Variants in ANKS1B observed in about 807,000 individuals in gnomAD.
The protein encoded by ANKS1B is ankyrin repeat and sterile alpha motif domain containing 1B, also known as ankyrin repeat and sterile alpha motif domain-containing protein 1B.
A neutral mutation model predicts 148.3 loss-of-function variants in ANKS1B; 36 were observed. The observed-to-expected ratio is 0.24, with a 90% CI of 0.19 to 0.32. The LOEUF is 0.32. Ranked by LOEUF, ANKS1B falls within the 10% of genes least tolerant of loss-of-function variation. The pLI is 1.00. For synonymous variants in ANKS1B, 542 were observed against 560.8 expected (o/e 0.97, Z 0.47); for missense variants, 1,157 against 1,542.6 (o/e 0.75, Z 4.19).
chr12:99,050,915 G>A (rs2099965614), intron 17 of ANKS1B, among the ~76,000 whole-genome samples: 1 of 151,566 alleles, frequency 6.6e-6, no homozygotes, highest in Admixed American at 6.6e-5. Flanking sequence ...AGCCAGGATG[G>A]TCTGATCTCC....
At chr12:99,273,302 C>G (rs1232680192) in intron 12 of ANKS1B, among the ~76,000 whole-genome samples, 4 of 152,264 alleles carry the variant, frequency 2.6e-5, no homozygotes, top group South Asian at 2.1e-4. Context: ...CCCTTCTATT[C>G]CAAGCTAGGG....
At chr12:98,742,721 G>A (rs770772128), downstream of ANKS1B, among the ~76,000 whole-genome samples, 20 of 152,370 alleles carry the variant, frequency 1.3e-4, no homozygotes, top group Admixed American at 3.3e-4. Flanking sequence ...AGTTCAAAGC[G>A]CCGTCTCTGC....
intron 8 of ANKS1B, among the ~76,000 whole-genome samples, chr12:99,694,873 G>A (rs952146191): frequency 2.0e-5 from 3 of 152,134 alleles, no homozygotes; most frequent in Admixed American, 6.6e-5. Flanking sequence ...TGTCCACTAA[G>A]AAGCTCATGC....
intron 17 of ANKS1B, among the ~76,000 whole-genome samples, chr12:99,014,535 A>G (rs963952333): frequency 2.6e-5 from 4 of 152,278 alleles, no homozygotes; most frequent in Admixed American, 2.6e-4. Context: ...GGACAATTTA[A>G]GCTAAAGAGC....
At chr12:99,593,159 C>G (rs931951890) in intron 9 of ANKS1B, among the ~76,000 whole-genome samples, 1 of 151,958 alleles carries the variant, frequency 6.6e-6, no homozygotes. Flanking sequence ...ATCCCTCAAC[C>G]CCCATCATGG....
At chr12:99,743,354 T>C (rs1184474766) in intron 8 of ANKS1B, among the ~76,000 whole-genome samples, 1 of 152,210 alleles carries the variant, frequency 6.6e-6, no homozygotes, top group South Asian at 2.1e-4. Flanking sequence ...TAATCTAATG[T>C]AGTCTATTTT....
At chr12:98,760,698 G>A (rs2098385772) in intron 25 of ANKS1B, among the ~76,000 whole-genome samples, 1 of 152,168 alleles carries the variant, frequency 6.6e-6, no homozygotes, top group South Asian at 2.1e-4. Context: ...TCTTCTCAGT[G>A]AGACTTTGAA....
intron 9 of ANKS1B, among the ~76,000 whole-genome samples, chr12:99,546,194 G>A (rs1338332109): frequency 6.6e-6 from 1 of 152,106 alleles, no homozygotes; most frequent in Non-Finnish European, 1.5e-5. Context: ...GCCTGGAGAA[G>A]TGAAATCTAA....
chr12:99,714,887 G>A (rs528922902), intron 8 of ANKS1B, among the ~76,000 whole-genome samples: 5 of 152,084 alleles, frequency 3.3e-5, no homozygotes, highest in African/African-American at 9.6e-5. Flanking sequence ...GGGAAGCCAA[G>A]GCAGACAGAT....
chr12:99,003,971 G>A lies in ANKS1B; in HGVS notation c.2778+49186C>T, dbSNP rs117171573. 8.9e-3 allele frequency among the ~76,000 whole-genome samples: 1,363 copies of A among 152,342 alleles called. 14 individuals carry two copies. Among genetic ancestry groups the A allele is most frequent in the Non-Finnish European group, 0.015 (1,044 of 68,026 alleles). ...TTGGCCAATGAGGGGTTAGCAGAAA[G>A]CTGGCGAAGGATTCTGGAAAGGCTT... On this transcript the variant is annotated intron_variant, in intron 17 of 26. Coordinates refer to ENST00000683438, the MANE Select transcript of ANKS1B (RefSeq NM_001352186.2).
chr12:99,516,913 T>C (rs1342783854), intron 9 of ANKS1B, among the ~76,000 whole-genome samples: 4 of 152,162 alleles, frequency 2.6e-5, no homozygotes, highest in Admixed American at 2.6e-4. Flanking sequence ...TTGGTTACCA[T>C]AGCTCTGTAG....
At chr12:99,316,790 T>C (rs910597782) in intron 12 of ANKS1B, among the ~76,000 whole-genome samples, 2 of 152,246 alleles carry the variant, frequency 1.3e-5, no homozygotes, top group East Asian at 1.9e-4. Context: ...TTTAAGGGTT[T>C]TTATGGTTTT....
At chr12:99,092,317 G>C (rs903036051) in intron 15 of ANKS1B, among the ~76,000 whole-genome samples, 3 of 152,104 alleles carry the variant, frequency 2.0e-5, no homozygotes, top group African/African-American at 7.2e-5. Flanking sequence ...TGGGGTTGGG[G>C]TGGCACCTCT....
rs1219947265 is a variant in ANKS1B at position 99,709,587 on chromosome 12, G to C, written c.1129-54377C>G. Among the ~76,000 whole-genome samples, 6 of 152,244 alleles carry C rather than the reference G, an allele frequency of 3.9e-5. No homozygotes were observed. In the South Asian group the frequency reaches 8.3e-4, roughly 21 times the overall value. ...CTTTTCCAAGTTTGCCAGCTAGCAA[G>C]TGGTATAGCTAGACCCACATTTTTT... is the stretch of plus-strand genomic sequence containing the variant. On this transcript the variant is annotated intron_variant, in intron 8 of 26. Coordinates refer to ENST00000683438, the MANE Select transcript of ANKS1B (RefSeq NM_001352186.2).
chr12:99,323,223 A>G (rs2085648954), intron 12 of ANKS1B, among the ~76,000 whole-genome samples: 1 of 152,146 alleles, frequency 6.6e-6, no homozygotes. Context: ...GCTTCATTTG[A>G]GCCCTACCTA....
chr12:99,394,511 A>G (rs911939528), intron 12 of ANKS1B, among the ~76,000 whole-genome samples: 2 of 152,018 alleles, frequency 1.3e-5, no homozygotes, highest in African/African-American at 2.4e-5. Flanking sequence ...TGCTCTTGTC[A>G]AGGTCAGCAG....
At chr12:98,839,026 C>G (rs1287247603) in intron 17 of ANKS1B, among the ~76,000 whole-genome samples, 1 of 152,164 alleles carries the variant, frequency 6.6e-6, no homozygotes, top group Non-Finnish European at 1.5e-5. Context: ...CAGTTTTGAC[C>G]ATGACATTTT....
rs201769650 is a variant in ANKS1B, at chr12:99,139,440, T to TTCTTTCTTTCTTTCTTTCTTTC, written c.2526+14848_2526+14849insGAAAGAAAGAAAGAAAGAAAGA. Among the ~76,000 whole-genome samples, 41 of 4,726 alleles carry TTCTTTCTTTCTTTCTTTCTTTC rather than the reference T, an allele frequency of 8.7e-3. 8 individuals carry two copies. The highest frequency in any genetic ancestry group is 0.067 in the East Asian group (2 of 30). The allele number at this position is 4,726 out of a possible 152,430, so 3.1% of individuals were successfully genotyped here. On this transcript the variant is annotated intron_variant, in intron 15 of 26. Coordinates refer to ENST00000683438, the MANE Select transcript of ANKS1B (RefSeq NM_001352186.2). ...TTTCTTTCTTTCTTTCTTTCTTTCT[T>TTCTTTCTTTCTTTCTTTCTTTC]TTTCTTTCTTTCTTTCTTTCAAGAT...
intron 8 of ANKS1B, among the ~76,000 whole-genome samples, chr12:99,655,808 A>G (rs941820263): frequency 1.3e-5 from 2 of 152,214 alleles, no homozygotes; most frequent in African/African-American, 4.8e-5. Flanking sequence ...TAAGGATGAC[A>G]GGAGAGATGA....
Sources: gnomAD v4.1 joint callset for allele counts (sites outside exome capture counted in the v4.1 genomes callset) on GRCh38, gnomAD v4.1.1 for gene constraint, MANE v1.5 for transcripts, NCBI Gene and HGNC (gene_info 2026-07-23, HGNC 2026-07-21) for gene names.